PAG1: variants seen among roughly 807,000 people sequenced by gnomAD.
The protein encoded by PAG1 is phosphoprotein associated with glycosphingolipid-enriched microdomains 1.
In PAG1, 23 loss-of-function variants were observed where a neutral mutation model predicts 31.7. The ratio of observed to expected loss-of-function variants is 0.73; its 90% CI spans 0.52 to 1.03. The LOEUF (loss-of-function observed/expected upper bound fraction) is 1.03, where lower values mean the gene tolerates loss of function less well. Among genes scored for constraint, PAG1 ranks in the 50% least tolerant of loss-of-function variants. The probability of loss-of-function intolerance (pLI) is 0.00; values close to 1 mark genes in which losing one functional copy is unlikely to be tolerated. For synonymous variants in PAG1, 214 were observed against 210.3 expected, an observed-to-expected ratio of 1.02 and a Z score of -0.15; for missense variants, 473 against 540.7, an observed-to-expected ratio of 0.87 and a Z score of 1.24.
At chr8:81,073,100 T>C (rs1809120740) in intron 1 of PAG1, among the ~76,000 whole-genome samples, 1 of 152,240 alleles carries the variant, frequency 6.6e-6, no homozygotes, top group African/African-American at 2.4e-5. Context: ...CTTCATTCTG[T>C]GCCATCTTAG....
chr8:81,080,635 A>G (rs773674873), intron 1 of PAG1, among the ~76,000 whole-genome samples: 2 of 152,152 alleles, frequency 1.3e-5, no homozygotes, highest in Non-Finnish European at 2.9e-5. Context: ...GAGAATGTAC[A>G]CCCAGTGTTG....
intron 1 of PAG1, among the ~76,000 whole-genome samples, chr8:81,091,833 AG>A (rs1809450454): frequency 6.6e-6 from 1 of 151,900 alleles, no homozygotes; most frequent in African/African-American, 2.4e-5. Flanking sequence ...AAGAAGAAGA[AG>A]AAGAAGAAGA....
In PAG1 at chr8:80,973,513, G is replaced by A. The variant is rs1807119507; in HGVS notation, c.*3031C>T. ...AAAAACAAAGATCCTACTTTTAACTGAGATAGATTTATAATTCTTACTTAC... is the reference window on the plus strand; with the variant it reads ...AAAAACAAAGATCCTACTTTTAACTAAGATAGATTTATAATTCTTACTTAC... On this transcript the variant is annotated 3_prime_UTR_variant, in exon 9 of 9. Coordinates refer to ENST00000220597, the MANE Select transcript of PAG1 (RefSeq NM_018440.4). 1 of 152,066 alleles carries A rather than the reference G, an allele frequency of 6.6e-6. No homozygotes were observed. The highest frequency in any genetic ancestry group is 1.5e-5 in the Non-Finnish European group (1 of 68,024). The allele number at this position is 152,066 out of a possible 1,614,324, so 9.4% of individuals were successfully genotyped here.
chr8:81,099,824 A>G (rs1008569062), intron 1 of PAG1, among the ~76,000 whole-genome samples: 2 of 152,200 alleles, frequency 1.3e-5, no homozygotes, highest in Admixed American at 6.5e-5. Flanking sequence ...GTTTACTAAA[A>G]ATCAGTGAAT....
At chr8:81,097,848 T>G (rs772867554) in intron 1 of PAG1, among the ~76,000 whole-genome samples, 1 of 152,174 alleles carries the variant, frequency 6.6e-6, no homozygotes, top group Non-Finnish European at 1.5e-5. Context: ...TTTGAAAACT[T>G]AGTACTGCCT....
chr8:81,007,365 G>C (rs1054197285), intron 3 of PAG1, among the ~76,000 whole-genome samples: 20 of 151,872 alleles, frequency 1.3e-4, no homozygotes, highest in African/African-American at 4.3e-4. Context: ...TATAATCCCA[G>C]CACTTTGGGA....
intron 3 of PAG1, among the ~76,000 whole-genome samples, chr8:80,995,756 C>T (rs1014552745): frequency 5.9e-5 from 9 of 152,170 alleles, no homozygotes; most frequent in South Asian, 2.1e-4. Context: ...TTCATGAAAC[C>T]TAGTGTGGAA....
At chr8:81,082,151 G>A (rs1013734214) in intron 1 of PAG1, among the ~76,000 whole-genome samples, 2 of 151,186 alleles carry the variant, frequency 1.3e-5, no homozygotes, top group African/African-American at 2.4e-5. Flanking sequence ...TACTCGGGAG[G>A]CTGAGGCATG....
intron 3 of PAG1, among the ~76,000 whole-genome samples, chr8:81,020,790 T>C (rs1023196271): frequency 1.3e-5 from 2 of 152,330 alleles, no homozygotes; most frequent in Middle Eastern, 3.4e-3. Context: ...TTAAGCTATA[T>C]ATTGCATATA....
intron 3 of PAG1, among the ~76,000 whole-genome samples, chr8:81,021,223 A>G (rs549619773): frequency 1.7e-4 from 26 of 152,324 alleles, no homozygotes; most frequent in Non-Finnish European, 3.7e-4. Context: ...TATCATTATC[A>G]CTTTGTATAC....
In PAG1 at chr8:80,969,619, G is replaced by C. The variant is rs754701874; in HGVS notation, c.*6925C>G. On this transcript the variant is annotated 3_prime_UTR_variant, in exon 9 of 9. Transcript: ENST00000220597. The stretch of plus-strand genomic sequence containing the variant: ...TGGTCCTTCTTTTAGCTTTAACTGT[G>C]TCCTATTTAGAGTGCCTAACAGGTA... 2.6e-5 allele frequency: 4 copies of C among 152,160 alleles called. No individual in the cohort carries two copies. The highest frequency in any genetic ancestry group is 5.9e-5 in the Non-Finnish European group (4 of 68,044). 9.4% of individuals were successfully genotyped at this position (152,160 alleles called of 1,614,324 possible). A position where few individuals can be genotyped will look rare whatever the true frequency, so the allele number is the denominator to read the frequency against.
intron 2 of PAG1, among the ~76,000 whole-genome samples, chr8:81,065,747 T>C (rs2130944364): frequency 6.6e-6 from 1 of 152,050 alleles, no homozygotes; most frequent in South Asian, 2.1e-4. Flanking sequence ...ATAATTTTAA[T>C]ATCATAAACA....
chr8:81,007,694 A>T (rs2130644479), intron 3 of PAG1, among the ~76,000 whole-genome samples: 1 of 152,006 alleles, frequency 6.6e-6, no homozygotes, highest in East Asian at 1.9e-4. Flanking sequence ...AGCTTGAAGA[A>T]TGACACATGG....
At chr8:81,094,948 T>C (rs184447794) in intron 1 of PAG1, among the ~76,000 whole-genome samples, 45 of 152,334 alleles carry the variant, frequency 3.0e-4, no homozygotes, top group African/African-American at 9.6e-4. Flanking sequence ...TTTCTTAATC[T>C]GGAAGCTAGG....
chr8:81,023,696 T>C (rs1055975935), intron 3 of PAG1, among the ~76,000 whole-genome samples: 1 of 152,130 alleles, frequency 6.6e-6, no homozygotes. Context: ...AAATTACATA[T>C]GATTATCATT....
rs544360055 is a variant in PAG1, at chr8:81,021,621, G to C, written c.-81+8375C>G. ...ATTTCTTTTCTATGTAGCAAATTAA[G>C]GGCAAAATCCTACAAATTACAATTC... On this transcript the variant is annotated intron_variant, in intron 3 of 8. Transcript: ENST00000220597. Among the ~76,000 whole-genome samples the C allele has an allele frequency of 2.9e-3, 433 of 150,996 alleles. 2 individuals carry two copies. Among genetic ancestry groups the C allele is most frequent in the Non-Finnish European group, 5.2e-3 (353 of 67,780 alleles).
chr8:81,058,029 T>C (rs1049859254), intron 2 of PAG1, among the ~76,000 whole-genome samples: 2 of 152,108 alleles, frequency 1.3e-5, no homozygotes, highest in Admixed American at 6.6e-5. Context: ...ATCAAAAACT[T>C]GCCAAGAGAT....
intron 1 of PAG1, among the ~76,000 whole-genome samples, chr8:81,098,639 G>A (rs921683871): frequency 6.6e-6 from 1 of 152,106 alleles, no homozygotes; most frequent in Admixed American, 6.5e-5. Flanking sequence ...TGGGCCCCGG[G>A]GCTGGTGCAG....
At chr8:81,058,565 C>G (rs1808865895) in intron 2 of PAG1, 2 of 151,864 alleles carry the variant, frequency 1.3e-5, no homozygotes, top group Non-Finnish European at 2.9e-5. Flanking sequence ...CCATTACACT[C>G]CAACCTGGGC....
Sources: allele counts gnomAD v4.1 joint callset (sites outside exome capture counted in the v4.1 genomes callset), GRCh38; gene constraint gnomAD v4.1.1; transcripts MANE v1.5; gene names NCBI Gene and HGNC (gene_info 2026-07-23, HGNC 2026-07-21).